The following LRP1B variants were observed in gnomAD, a reference collection of about 807,000 sequenced individuals.
The protein encoded by LRP1B is low-density lipoprotein receptor-related protein 1B.
Under a neutral mutation model 556.6 loss-of-function variants are expected in LRP1B, and 217 were observed. That is an observed-to-expected ratio of 0.39 (90% CI 0.35 to 0.44). LRP1B has a LOEUF of 0.44. Among genes scored for constraint, LRP1B ranks in the 20% least tolerant of loss-of-function variants. LRP1B has a pLI of 1.00. For synonymous variants in LRP1B, 2,047 were observed against 1,865.8 expected, an observed-to-expected ratio of 1.10 and a Z score of -2.50; for missense variants, 5,053 against 5,620.8, an observed-to-expected ratio of 0.90 and a Z score of 3.23.
At chr2:141,284,521 T>A (rs1020343534) in intron 3 of LRP1B, among the ~76,000 whole-genome samples, 19 of 152,210 alleles carry the variant, frequency 1.2e-4, no homozygotes, top group African/African-American at 4.6e-4. Flanking sequence ...GCTCTATTTT[T>A]ATTCCCAAAT....
intron 31 of LRP1B, 59 bp downstream of exon 31, chr2:140,839,932 T>C (rs2105094486): frequency 1.0e-6 from 1 of 996,260 alleles, no homozygotes; most frequent in East Asian, 2.4e-5. Flanking sequence ...CAAAGGTATA[T>C]TGTACAAGTA....
At chr2:140,478,526 A>C (rs1272567940) in intron 59 of LRP1B, among the ~76,000 whole-genome samples, 2 of 152,146 alleles carry the variant, frequency 1.3e-5, no homozygotes, top group Non-Finnish European at 1.5e-5. Context: ...ATAACTGAGA[A>C]TATAAAAGGT....
At chr2:141,857,782 T>C (rs1408324729) in intron 1 of LRP1B, among the ~76,000 whole-genome samples, 1 of 152,180 alleles carries the variant, frequency 6.6e-6, no homozygotes, top group Non-Finnish European at 1.5e-5. Flanking sequence ...TAGTTAACCT[T>C]CTTCCTCTCC....
intron 7 of LRP1B, among the ~76,000 whole-genome samples, chr2:141,143,408 A>AT (rs1156380868): frequency 2.0e-5 from 3 of 151,978 alleles, no homozygotes; most frequent in Admixed American, 2.0e-4. Context: ...ACCCAGTTTG[A>AT]TTTCTCTTTG....
intron 41 of LRP1B, among the ~76,000 whole-genome samples, chr2:140,654,417 A>T (rs1684803004): frequency 6.6e-6 from 1 of 152,222 alleles, no homozygotes; most frequent in Non-Finnish European, 1.5e-5. Context: ...ATTAATATGT[A>T]TATAAGGGAA....
At chr2:140,886,514 T>G (rs1368407447) in intron 23 of LRP1B, among the ~76,000 whole-genome samples, 179 bp from the exon 24 acceptor site, 1 of 152,174 alleles carries the variant, frequency 6.6e-6, no homozygotes, top group African/African-American at 2.4e-5. Context: ...TTATGTGTAT[T>G]CACTAGAATA....
At chr2:140,312,882 TTTGTTCAATTATTA>T (rs1473316488) in intron 83 of LRP1B, among the ~76,000 whole-genome samples, 4 of 151,974 alleles carry the variant, frequency 2.6e-5, no homozygotes, top group African/African-American at 9.7e-5. Context: ...TGACATTTCT[TTTGTTCAATTATTA>T]TTGTCCTATA....
intron 34 of LRP1B, among the ~76,000 whole-genome samples, chr2:140,770,177 A>T (rs1410421687): frequency 6.6e-6 from 1 of 151,928 alleles, no homozygotes; most frequent in Non-Finnish European, 1.5e-5. Context: ...TCATGAGGTT[A>T]TGAGGATTAA....
chr2:140,868,191 T>C lies in LRP1B; in HGVS notation c.4242A>G (p.Arg1414=), dbSNP rs767572747. The change falls in exon 26 of 91, where the codon AGA becomes AGG. Residue 1414 remains arginine, a synonymous_variant. Coordinates refer to ENST00000389484, the MANE Select transcript of LRP1B (RefSeq NM_018557.3). ...TTTTCATGTCTTTATAGATGGTTTT[T>C]CTCCCAGCACCACTCATAGAGGCAG... ...IESASMSGAG[R]KTIYKDMKTG... 1.9e-5 allele frequency: 31 copies of C among 1,610,798 alleles called. 1 individual carries two copies. The South Asian group carries it at 2.3e-4, about 12-fold the overall frequency.
intron 3 of LRP1B, among the ~76,000 whole-genome samples, chr2:141,301,830 C>T (rs1686406631): frequency 6.6e-6 from 1 of 152,130 alleles, no homozygotes; most frequent in Non-Finnish European, 1.5e-5. Context: ...TCCTCAGTGG[C>T]TTAATCATTA....
chr2:141,224,520 G>C (rs1412848277), intron 6 of LRP1B, among the ~76,000 whole-genome samples: 1 of 152,162 alleles, frequency 6.6e-6, no homozygotes, highest in Non-Finnish European at 1.5e-5. Flanking sequence ...CTATTGTAAA[G>C]ATAGATGCAC....
chr2:140,499,886 TGTAATG>T (rs912692225), intron 55 of LRP1B, among the ~76,000 whole-genome samples: 4 of 151,978 alleles, frequency 2.6e-5, no homozygotes, highest in African/African-American at 9.7e-5. Context: ...AATAATTATT[TGTAATG>T]GTATGACTTA....
At chr2:142,024,509 A>G (rs1703441539) in intron 1 of LRP1B, among the ~76,000 whole-genome samples, 1 of 152,156 alleles carries the variant, frequency 6.6e-6, no homozygotes, top group South Asian at 2.1e-4. Flanking sequence ...CTTAAGAAAT[A>G]AGCAGTAAGA....
chr2:140,867,453 A>G, intron 27 of LRP1B, 137 bp downstream of exon 27: 2 of 888,200 alleles, frequency 2.3e-6, no homozygotes, highest in South Asian at 7.9e-5. Context: ...ATAAAGGTTG[A>G]AACCACTTCC....
At chr2:140,707,078 CA>C (rs926872314) in intron 37 of LRP1B, among the ~76,000 whole-genome samples, 1 of 152,090 alleles carries the variant, frequency 6.6e-6, no homozygotes, top group African/African-American at 2.4e-5. Context: ...TGGCATTAAT[CA>C]TTTTCTCTGG....
intron 7 of LRP1B, among the ~76,000 whole-genome samples, chr2:141,090,777 G>A (rs1700153409): frequency 6.6e-6 from 1 of 152,072 alleles, no homozygotes; most frequent in South Asian, 2.1e-4. Context: ...TTTTTTTAAA[G>A]GTTCATTCAG....
chr2:140,647,268 T>C (rs774731291), intron 41 of LRP1B, among the ~76,000 whole-genome samples: 8 of 152,212 alleles, frequency 5.3e-5, no homozygotes, highest in Non-Finnish European at 1.2e-4. Context: ...CCCACATATA[T>C]ACACAGGAGT....
intron 21 of LRP1B, among the ~76,000 whole-genome samples, chr2:140,915,365 G>A (rs936180116): frequency 6.6e-6 from 1 of 151,926 alleles, no homozygotes; most frequent in Non-Finnish European, 1.5e-5. Flanking sequence ...ATCTAAAGAA[G>A]GGTTTGGGGG....
At chr2:141,960,551 A>G (rs903151328) in intron 1 of LRP1B, among the ~76,000 whole-genome samples, 9 of 151,800 alleles carry the variant, frequency 5.9e-5, no homozygotes, top group African/African-American at 2.2e-4. Flanking sequence ...ATGTTTTTCA[A>G]AGTTTCTCTC....
Sources: gnomAD v4.1 joint callset for allele counts (sites outside exome capture counted in the v4.1 genomes callset) on GRCh38, gnomAD v4.1.1 for gene constraint, MANE v1.5 for transcripts, NCBI Gene and HGNC (gene_info 2026-07-23, HGNC 2026-07-21) for gene names.